PWWP2A: variants seen among roughly 807,000 people sequenced by gnomAD.
PWWP2A encodes PWWP domain-containing protein 2A.
In PWWP2A, 18 loss-of-function variants were observed where a neutral mutation model predicts 48.5. That is an observed-to-expected ratio of 0.37 (90% CI 0.26 to 0.55). The LOEUF is 0.55. Among genes scored for constraint, PWWP2A ranks in the 20% least tolerant of loss-of-function variants. The pLI is 0.81. For missense variants in PWWP2A, 867 were observed against 976.4 expected, an observed-to-expected ratio of 0.89 and a Z score of 1.49; for synonymous variants, 396 against 387.7, an observed-to-expected ratio of 1.02 and a Z score of -0.25.
Position 160,118,950 on chromosome 5 carries a change from C to T in PWWP2A, c.439G>A (p.Ala147Thr). 1.3e-6 allele frequency: 2 copies of T among 1,599,440 alleles called. No individual in the cohort carries two copies. The highest frequency in any genetic ancestry group is 1.7e-6 in the Non-Finnish European group (2 of 1,174,308). Reference sequence around the variant, plus strand: ...TGCGACACCGTGGAGTCCCCGCCCGCCGGCGGCACGAGCGCCGGGGCTACG... The same window carrying T: ...TGCGACACCGTGGAGTCCCCGCCCGTCGGCGGCACGAGCGCCGGGGCTACG... Reference protein sequence around the residue: ...QPVAPALVPPAGGDSTVSQLI... With the variant: ...QPVAPALVPPTGGDSTVSQLI... The change falls in exon 1 of 2, where the codon GCG (alanine) becomes ACG (threonine). Residue 147 changes from alanine (A) to threonine (T), a missense_variant. By Grantham distance (58) the Ala-to-Thr change is moderately conservative. Coordinates refer to ENST00000307063, the MANE Select transcript of PWWP2A (RefSeq NM_001130864.2).
At chr5:160,048,125 G>GTT in the PWWP2A span, among the ~76,000 whole-genome samples, 1 of 60,300 alleles carries the variant, frequency 1.7e-5, no homozygotes, top group African/African-American at 6.4e-5. Context: ...CCAAGACATT[G>GTT]CTTTTTTTTT....
chr5:160,097,106 GTGGGC>G (rs1334625315), intron 1 of PWWP2A, among the ~76,000 whole-genome samples: 3 of 152,002 alleles, frequency 2.0e-5, no homozygotes, highest in Non-Finnish European at 2.9e-5. Context: ...GGAGGGTGAG[GTGGGC>G]AAATTGCTTG....
intron 1 of PWWP2A, among the ~76,000 whole-genome samples, chr5:160,107,784 C>T (rs1280825488): frequency 6.6e-6 from 1 of 151,754 alleles, no homozygotes; most frequent in African/African-American, 2.4e-5. Flanking sequence ...TTTGGGAGGC[C>T]GAGGCCAGGA....
intron 1 of PWWP2A, among the ~76,000 whole-genome samples, chr5:160,114,768 TAAAAA>T (rs56276633): frequency 9.3e-5 from 12 of 129,002 alleles, no homozygotes; most frequent in Non-Finnish European, 1.1e-4. Flanking sequence ...GTCTCAAGGG[TAAAAA>T]AAAAAAAAAA....
chr5:160,103,865 T>C (rs1756564344), intron 1 of PWWP2A, among the ~76,000 whole-genome samples: 1 of 152,100 alleles, frequency 6.6e-6, no homozygotes. Context: ...CTCATGCCTG[T>C]AATCTCAACA....
chr5:160,106,098 T>C (rs73311202), intron 1 of PWWP2A, among the ~76,000 whole-genome samples: 1 of 152,204 alleles, frequency 6.6e-6, no homozygotes, highest in Non-Finnish European at 1.5e-5. Context: ...TGTTGCCTGG[T>C]TGAGTGAGGA....
At chr5:160,045,520 A>ACACACACACTCTCTCT in the PWWP2A span, among the ~76,000 whole-genome samples, 5 of 54,880 alleles carry the variant, frequency 9.1e-5, no homozygotes, top group Non-Finnish European at 1.6e-4. Context: ...ACACATACAC[A>ACACACACACTCTCTCT]CTCTCTCTCT....
At chr5:160,096,444 G>A (rs573740482) in intron 1 of PWWP2A, among the ~76,000 whole-genome samples, 2 of 152,244 alleles carry the variant, frequency 1.3e-5, no homozygotes, top group African/African-American at 4.8e-5. Context: ...AAAGATGACA[G>A]GACAAAAGAG....
chr5:160,078,193 G>T lies in PWWP2A; in HGVS notation c.1670-25C>A. The T allele has an allele frequency of 6.5e-7, 1 of 1,540,556 alleles. No individual in the cohort carries two copies. ...GCTGAAATATAGTAAAGAAAAGGAA[G>T]AAAATGTCGTTAAGCACAAGTAATT... On this transcript the variant is annotated intron_variant, in intron 3 of 3. Transcript: ENST00000456329. The surrounding 1 kb of genome is among the most constrained non-coding windows in gnomAD (Gnocchi z 4.2).
intron 2 of PWWP2A, among the ~76,000 whole-genome samples, chr5:160,068,414 A>G (rs1753667118): frequency 6.6e-6 from 1 of 151,980 alleles, no homozygotes; most frequent in African/African-American, 2.4e-5. Flanking sequence ...AGCCTGGCCA[A>G]TGTGGTGAAA....
intron 2 of PWWP2A, among the ~76,000 whole-genome samples, chr5:160,085,566 G>T (rs1175499185): frequency 6.7e-6 from 1 of 148,596 alleles, no homozygotes; most frequent in Non-Finnish European, 1.5e-5. Flanking sequence ...GAGTGTAATG[G>T]CGCGATCTCG....
At chr5:160,080,865 A>C (rs1463209388) in intron 2 of PWWP2A, 11 of 1,093,516 alleles carry the variant, frequency 1.0e-5, no homozygotes, top group African/African-American at 1.6e-5. Context: ...TAAGACCAAA[A>C]TTCAGGTGAA....
chr5:160,089,842 C>T (rs1754929014), downstream of PWWP2A: 1 of 985,258 alleles, frequency 1.0e-6, no homozygotes, highest in Non-Finnish European at 1.2e-6. Context: ...GAATAAGTGC[C>T]TTTTATCATT....
intron 1 of PWWP2A, among the ~76,000 whole-genome samples, chr5:160,109,376 G>C (rs1393804215): frequency 2.6e-5 from 4 of 151,090 alleles, no homozygotes; most frequent in Non-Finnish European, 5.9e-5. Flanking sequence ...GATTCAGAAA[G>C]ACCTTTCAGG....
chr5:160,079,695 A>C (rs1413406415), intron 3 of PWWP2A, among the ~76,000 whole-genome samples: 2 of 152,220 alleles, frequency 1.3e-5, no homozygotes, highest in African/African-American at 4.8e-5. Flanking sequence ...AAGTTCAGTT[A>C]AAATCTATGG....
At chr5:160,090,349 C>A (rs1754964120), downstream of PWWP2A, 1 of 984,102 alleles carries the variant, frequency 1.0e-6, no homozygotes, top group Non-Finnish European at 1.2e-6. Flanking sequence ...ACTTTTAAGT[C>A]TTTCTGAACT....
At chr5:160,081,839 G>A (rs7733926) in intron 2 of PWWP2A, among the ~76,000 whole-genome samples, 102,167 of 152,028 alleles carry the variant, frequency 0.67, 34,349 homozygotes, top group East Asian at 0.73. Context: ...TATCACATCA[G>A]TGTAGTCAAC....
At chr5:160,104,040 C>T (rs1009619403) in intron 1 of PWWP2A, among the ~76,000 whole-genome samples, 4 of 134,056 alleles carry the variant, frequency 3.0e-5, no homozygotes, top group African/African-American at 1.1e-4. Flanking sequence ...AGGGTAATGG[C>T]GTGAACCTGG....
chr5:160,101,026 T>C (rs1335719665), intron 1 of PWWP2A, among the ~76,000 whole-genome samples: 1 of 152,146 alleles, frequency 6.6e-6, no homozygotes, highest in African/African-American at 2.4e-5. Flanking sequence ...ACAAATATAT[T>C]ATACAAAATA....
Sources: allele counts gnomAD v4.1 joint callset (sites outside exome capture counted in the v4.1 genomes callset), GRCh38; gene constraint gnomAD v4.1.1; non-coding constraint Gnocchi (gnomAD v3.1); transcripts MANE v1.5; gene names NCBI Gene and HGNC (gene_info 2026-07-23, HGNC 2026-07-21).